The following CPQ variants were observed in gnomAD, a reference collection of about 807,000 sequenced individuals.
CPQ encodes carboxypeptidase Q.
CPQ carries 37 observed loss-of-function variants against 45.7 expected under a neutral mutation model. The observed-to-expected ratio is 0.81, with a 90% CI of 0.62 to 1.07. CPQ has a LOEUF of 1.07. Ranked by LOEUF, CPQ falls within the 50% of genes least tolerant of loss-of-function variation. The pLI is 0.00. For missense variants in CPQ, 537 were observed against 572.9 expected (o/e 0.94, Z 0.64); for synonymous variants, 186 against 205.8 (o/e 0.90, Z 0.82).
At chr8:97,086,882 T>A (rs1811049030) in intron 7 of CPQ, among the ~76,000 whole-genome samples, 2 of 152,162 alleles carry the variant, frequency 1.3e-5, no homozygotes, top group Admixed American at 6.5e-5. Context: ...TGAAGTGCAC[T>A]CTATCTCTGC....
intron 1 of CPQ, among the ~76,000 whole-genome samples, chr8:96,718,807 G>C (rs1170066308): frequency 1.3e-5 from 2 of 152,154 alleles, no homozygotes; most frequent in Middle Eastern, 3.2e-3. Context: ...TAGATACAGA[G>C]TGTCAATACA....
chr8:96,800,046 C>T (rs553907164), intron 2 of CPQ, among the ~76,000 whole-genome samples: 11 of 152,128 alleles, frequency 7.2e-5, no homozygotes, highest in East Asian at 3.9e-4. Context: ...ATTTCTGTTC[C>T]GTGAAGGATA....
At chr8:96,662,195 AAT>A (rs1427322821) in intron 1 of CPQ, among the ~76,000 whole-genome samples, 2 of 152,138 alleles carry the variant, frequency 1.3e-5, no homozygotes, top group African/African-American at 4.8e-5. Flanking sequence ...CCTTATATTT[AAT>A]ATGTCTTTTG....
chr8:96,877,273 A>G (rs1206701675), intron 3 of CPQ, among the ~76,000 whole-genome samples: 1 of 152,218 alleles, frequency 6.6e-6, no homozygotes, highest in Non-Finnish European at 1.5e-5. Context: ...AGGTTTTTAT[A>G]TCTTAAATTA....
intron 1 of CPQ, among the ~76,000 whole-genome samples, chr8:96,675,306 C>T (rs2130723921): frequency 6.6e-6 from 1 of 151,998 alleles, no homozygotes; most frequent in Non-Finnish European, 1.5e-5. Flanking sequence ...GGTAGCTTTA[C>T]ATTTTATTCT....
rs186095546 is a variant in CPQ at position 96,780,254 on chromosome 8, C to T, written c.-34-4610C>T. On this transcript the variant is annotated intron_variant, in intron 1 of 7. Transcript: ENST00000220763. ...AACACAGAAGATGGTGCAAATAACTCTGGGGTGTTGTTTAGTGAGCCTTTA... is the reference window on the plus strand; with the variant it reads ...AACACAGAAGATGGTGCAAATAACTTTGGGGTGTTGTTTAGTGAGCCTTTA... Among the ~76,000 whole-genome samples the T allele has an allele frequency of 2.6e-3, 399 of 152,160 alleles. 1 individual carries two copies. Among genetic ancestry groups the T allele is most frequent in the Non-Finnish European group, 3.9e-3 (267 of 67,984 alleles).
intron 4 of CPQ, among the ~76,000 whole-genome samples, chr8:96,943,788 C>CAGT (rs1466279723): frequency 2.0e-5 from 3 of 152,084 alleles, no homozygotes; most frequent in Non-Finnish European, 4.4e-5. Flanking sequence ...TGTCTAGGTA[C>CAGT]AGTAGTTGAA....
intron 2 of CPQ, among the ~76,000 whole-genome samples, chr8:96,792,477 T>G (rs1438364657): frequency 1.3e-5 from 2 of 152,228 alleles, no homozygotes; most frequent in Non-Finnish European, 2.9e-5. Context: ...GACTGACATC[T>G]CTACCGAAAT....
At chr8:96,701,562 G>A (rs1326658215) in intron 1 of CPQ, among the ~76,000 whole-genome samples, 1 of 151,576 alleles carries the variant, frequency 6.6e-6, no homozygotes, top group Non-Finnish European at 1.5e-5. Context: ...AACTGGAAGC[G>A]CATACTAGAA....
intron 1 of CPQ, among the ~76,000 whole-genome samples, chr8:96,768,605 C>T (rs1810498762): frequency 6.6e-6 from 1 of 152,192 alleles, no homozygotes; most frequent in Non-Finnish European, 1.5e-5. Flanking sequence ...GTTGAGTTAA[C>T]AGTGTGTAGC....
At chr8:96,799,807 C>T (rs935177109) in intron 2 of CPQ, among the ~76,000 whole-genome samples, 1 of 152,202 alleles carries the variant, frequency 6.6e-6, no homozygotes, top group African/African-American at 2.4e-5. Context: ...GGTCACACAG[C>T]TAATACATGG....
rs5893410 is a variant in CPQ, at chr8:97,101,572, C to CT, written c.1255+35381dup. 2.9e-3 allele frequency among the ~76,000 whole-genome samples: 333 copies of CT among 114,226 alleles called. 1 individual carries two copies. The highest frequency in any genetic ancestry group is 7.7e-3 in the East Asian group (30 of 3,908). 74.9% of individuals were successfully genotyped at this position (114,226 alleles called of 152,430 possible). The stretch of plus-strand genomic sequence containing the variant: ...CCAACTGAGTCTTTTTTTCTTTTTT[C>CT]TTTTTTTTTTTTTTTTTTTGCCTTT... On this transcript the variant is annotated intron_variant, in intron 7 of 7. Transcript: ENST00000220763.
chr8:96,860,117 A>G (rs1215794727), intron 3 of CPQ, among the ~76,000 whole-genome samples: 1 of 152,122 alleles, frequency 6.6e-6, no homozygotes, highest in Non-Finnish European at 1.5e-5. Flanking sequence ...CTCTGAGCAC[A>G]CTGAAAGCTT....
intron 7 of CPQ, chr8:97,132,940 CGA>C (rs1274285793): frequency 6.6e-6 from 1 of 152,154 alleles, no homozygotes; most frequent in Non-Finnish European, 1.5e-5. Flanking sequence ...CATATAAACA[CGA>C]GTACAATTCA....
At chr8:96,790,764 A>T (rs1480469440) in intron 2 of CPQ, among the ~76,000 whole-genome samples, 1 of 152,124 alleles carries the variant, frequency 6.6e-6, no homozygotes, top group Non-Finnish European at 1.5e-5. Flanking sequence ...TCTTGGATGA[A>T]TGTTGTCCTT....
chr8:96,689,847 TA>T (rs1377684653), intron 1 of CPQ, among the ~76,000 whole-genome samples: 2 of 152,144 alleles, frequency 1.3e-5, no homozygotes, highest in African/African-American at 2.4e-5. Flanking sequence ...CTATAATCAT[TA>T]AAAAATTTTA....
At chr8:96,781,264 T>C (rs1810681997) in intron 1 of CPQ, among the ~76,000 whole-genome samples, 1 of 152,162 alleles carries the variant, frequency 6.6e-6, no homozygotes, top group Non-Finnish European at 1.5e-5. Flanking sequence ...GACTGGATAG[T>C]TTATAACTAA....
At chr8:96,862,093 G>A (rs1353221448) in intron 3 of CPQ, among the ~76,000 whole-genome samples, 2 of 152,034 alleles carry the variant, frequency 1.3e-5, no homozygotes, top group African/African-American at 4.8e-5. Flanking sequence ...CTTGTTTGAT[G>A]ACTAGCAGTG....
intron 1 of CPQ, among the ~76,000 whole-genome samples, chr8:96,698,188 A>T (rs1809411221): frequency 6.6e-6 from 1 of 152,154 alleles, no homozygotes. Context: ...CCTAGAAATA[A>T]ATCTATACAT....
Sources: gnomAD v4.1 joint callset for allele counts (sites outside exome capture counted in the v4.1 genomes callset) on GRCh38, gnomAD v4.1.1 for gene constraint, MANE v1.5 for transcripts, NCBI Gene and HGNC (gene_info 2026-07-23, HGNC 2026-07-21) for gene names.